Variants in COL6A2 observed in about 807,000 individuals in gnomAD.
COL6A2 encodes the protein collagen alpha-2(VI) chain.
COL6A2 carries 90 observed loss-of-function variants against 124.9 expected under a neutral mutation model. The ratio of observed to expected loss-of-function variants is 0.72; its 90% CI spans 0.61 to 0.86. The LOEUF is 0.86. COL6A2 is among the 40% of genes least tolerant of loss of function. The pLI is 0.00. For synonymous variants in COL6A2, 793 were observed against 618.2 expected (o/e 1.28, Z -4.19); for missense variants, 1,607 against 1,502.5 (o/e 1.07, Z -1.15).
chr21:46,120,959 G>C (rs978387327), intron 16 of COL6A2, 102 bp from the exon 17 acceptor site: 4 of 1,153,888 alleles, frequency 3.5e-6, no homozygotes, highest in Admixed American at 1.7e-5. Flanking sequence ...GGCCAGACCC[G>C]TCTTACCCCC....
intron 12 of COL6A2, 104 bp from the exon 13 acceptor site, chr21:46,118,510 G>A: frequency 6.6e-6 from 7 of 1,063,824 alleles, no homozygotes; most frequent in South Asian, 1.3e-5. Flanking sequence ...ACATCAGGGA[G>A]GTGCAGTCCC....
Position 46,129,405 on chromosome 21 carries a change from G to A in COL6A2, c.2462-2549G>A, listed in dbSNP as rs771115627. ...GTTCGCCACCGGGGTAGAGCGGCAG[G>A]ACTGGATGGAGCTGTTCATTGACAC... On this transcript the variant is annotated intron_variant, in intron 27 of 27. Transcript: ENST00000300527. 4.2e-5 allele frequency: 67 copies of A among 1,612,814 alleles called. 1 individual carries two copies. The South Asian group carries it at 6.0e-4, about 15-fold the overall frequency.
intron 27 of COL6A2, chr21:46,129,743 G>A (rs889552507): frequency 2.0e-5 from 27 of 1,362,082 alleles, no homozygotes; most frequent in South Asian, 3.9e-5. Context: ...AAGAACCCTG[G>A]TCATTGAATT....
At chr21:46,100,277 A>T (rs547531666) in intron 1 of COL6A2, among the ~76,000 whole-genome samples, 1 of 151,956 alleles carries the variant, frequency 6.6e-6, no homozygotes, top group South Asian at 2.1e-4. Flanking sequence ...CTTTTAAGAG[A>T]CGGGGTCTCA....
chr21:46,124,308 A>AATGGGTGG (rs1326200046), intron 21 of COL6A2, among the ~76,000 whole-genome samples: 2 of 149,086 alleles, frequency 1.3e-5, no homozygotes, highest in South Asian at 2.1e-4. Context: ...CGAATGGGCG[A>AATGGGTGG]ATGGGTGGAT....
intron 27 of COL6A2, among the ~76,000 whole-genome samples, 182 bp downstream of exon 27, chr21:46,126,723 G>A (rs1761380728): frequency 6.6e-6 from 1 of 152,172 alleles, no homozygotes; most frequent in African/African-American, 2.4e-5. Context: ...AGGGGCTTGG[G>A]GAAGGCAGGC....
Position 46,111,494 on chromosome 21 carries a change from C to T in COL6A2, c.18C>T (p.Cys6=). ...CTGCCAAGATGCTCCAGGGCACCTG[C>T]TCCGTGCTCCTGCTCTGGGGAATCC... The part of the protein sequence containing the change: MLQGT[C]SVLLLWGILG... Residue 6 remains cysteine, a synonymous_variant, in exon 2 of 28, where the codon TGC becomes TGT. Transcript: ENST00000300527. The T allele has an allele frequency of 6.2e-7, 1 of 1,612,540 alleles. No homozygotes were observed. Among genetic ancestry groups the T allele is most frequent in the Non-Finnish European group, 8.5e-7 (1 of 1,179,608 alleles).
At chr21:46,105,041 G>A (rs866924256) in intron 1 of COL6A2, among the ~76,000 whole-genome samples, 10 of 152,186 alleles carry the variant, frequency 6.6e-5, no homozygotes, top group South Asian at 4.1e-4. Flanking sequence ...AGGGAGTCCT[G>A]CGGGTTGAAA....
At chr21:46,130,192 G>A (rs2078742806) in intron 27 of COL6A2, among the ~76,000 whole-genome samples, 1 of 152,224 alleles carries the variant, frequency 6.6e-6, no homozygotes, top group Non-Finnish European at 1.5e-5. Context: ...GGCCACAGCT[G>A]CCTGCCAGCA....
At chr21:46,121,178 T>C in intron 17 of COL6A2, 55 bp downstream of exon 17, 1 of 1,533,972 alleles carries the variant, frequency 6.5e-7, no homozygotes, top group Non-Finnish European at 9.0e-7. Flanking sequence ...GGGTCTCCCC[T>C]ATCCATGTGG....
At position 46,122,529 on chromosome 21, in the gene COL6A2, G is replaced by C. The variant is rs143338050; in HGVS notation, c.1606G>C (p.Glu536Gln). The change falls in exon 20 of 28, where the codon GAG (glutamate) becomes CAG (glutamine). Residue 536 changes from glutamate (E) to glutamine (Q), a missense_variant and splice_region_variant. Coordinates refer to ENST00000300527, the MANE Select transcript of COL6A2 (RefSeq NM_001849.4). ...EKGEPGPRGP[E>Q]GGRGDFGLKG... ...AGGCGAGCCCGGCCCACGCGGCCCC[G>C]AGGTATGTGTGGGTCCTGGCCACCT... 1.9e-6 allele frequency: 3 copies of C among 1,612,648 alleles called. No homozygotes were observed. The highest frequency in any genetic ancestry group is 1.3e-5 in the African/African-American group (1 of 75,018).
At chr21:46,129,829 C>T in intron 27 of COL6A2, 2 of 1,106,918 alleles carry the variant, frequency 1.8e-6, no homozygotes, top group African/African-American at 1.6e-5. Context: ...TTCTTTGCTG[C>T]ATCAGGTCAC....
At chr21:46,126,473 G>A in intron 26 of COL6A2, 30 bp from the exon 27 acceptor site, 3 of 1,612,204 alleles carry the variant, frequency 1.9e-6, no homozygotes, top group South Asian at 2.2e-5. Flanking sequence ...ACTGACCCTG[G>A]CCTGGCCCGG....
chr21:46,111,484 A>G lies in COL6A2; in HGVS notation c.8A>G (p.Gln3Arg). ...GCCACAGGTGCTGCCAAGATGCTCCAGGGCACCTGCTCCGTGCTCCTGCTC... is the reference window on the plus strand; with the variant it reads ...GCCACAGGTGCTGCCAAGATGCTCCGGGGCACCTGCTCCGTGCTCCTGCTC... ML[Q>R]GTCSVLLLWG... The change falls in exon 2 of 28, where the codon CAG becomes CGG. Residue 3 changes from glutamine (Q) to arginine (R), a missense_variant. This residue lies in a region of COL6A2 where 342 missense variants were observed against 381.5 expected (regional missense o/e 0.90). Coordinates refer to ENST00000300527, the MANE Select transcript of COL6A2 (RefSeq NM_001849.4). 1.2e-6 allele frequency: 2 copies of G among 1,611,208 alleles called. No individual in the cohort carries two copies. Among genetic ancestry groups the G allele is most frequent in the South Asian group, 2.2e-5 (2 of 91,008 alleles).
At chr21:46,124,158 G>T (rs1299894755) in intron 21 of COL6A2, among the ~76,000 whole-genome samples, 1 of 151,004 alleles carries the variant, frequency 6.6e-6, no homozygotes, top group African/African-American at 2.4e-5. Flanking sequence ...TGGATAGATA[G>T]ATGGGTGGGT....
chr21:46,126,452 G>T (rs371401281), intron 26 of COL6A2, 51 bp from the exon 27 acceptor site: 1 of 1,606,604 alleles, frequency 6.2e-7, no homozygotes, highest in Admixed American at 1.7e-5. Flanking sequence ...GCCGCTGAGG[G>T]TTCGCTAGGG....
In COL6A2 at chr21:46,111,335, A is replaced by G. The variant is rs569375025; in HGVS notation, c.-27-115A>G. 2.5e-3 allele frequency: 1,574 copies of G among 637,986 alleles called. 6 individuals are homozygous for G. The highest frequency in any genetic ancestry group is 4.1e-3 in the Non-Finnish European group (1,444 of 352,090). The allele number at this position is 637,986 out of a possible 1,614,324, so 39.5% of individuals were successfully genotyped here. ...CTGGGCGCAGACCCCGCTTCCTTGAAGACTGAGGGCAGTGCCCCCAATCCC... is the reference window on the plus strand; with the variant it reads ...CTGGGCGCAGACCCCGCTTCCTTGAGGACTGAGGGCAGTGCCCCCAATCCC... On this transcript the variant is annotated intron_variant, in intron 1 of 27. Coordinates refer to ENST00000300527, the MANE Select transcript of COL6A2 (RefSeq NM_001849.4).
At chr21:46,117,598 T>C (rs971907180) in intron 11 of COL6A2, 145 bp downstream of exon 11, 8 of 896,010 alleles carry the variant, frequency 8.9e-6, no homozygotes, top group Admixed American at 4.1e-5. Context: ...AGCCCAGCAT[T>C]CTGCCGGGTC....
Position 46,132,750 on chromosome 21 carries a change from T to G in COL6A2, c.*198T>G. On this transcript the variant is annotated 3_prime_UTR_variant, in exon 28 of 28. Coordinates refer to ENST00000300527, the MANE Select transcript of COL6A2 (RefSeq NM_001849.4). The stretch of plus-strand genomic sequence containing the variant: ...AGGTCTCCCCAGGCCCTCCGCAGGC[T>G]GCCCGGCCTCCCTCCCCCTGCAGCC... The G allele has an allele frequency of 1.6e-6, 1 of 610,314 alleles. No homozygotes were observed. The highest frequency in any genetic ancestry group is 2.8e-5 in the East Asian group (1 of 35,730). 37.8% of individuals were successfully genotyped at this position (610,314 alleles called of 1,614,324 possible). A position where few individuals can be genotyped will look rare whatever the true frequency, so the allele number is the denominator to read the frequency against.
Sources: gnomAD v4.1 joint callset for allele counts (sites outside exome capture counted in the v4.1 genomes callset) on GRCh38, gnomAD v4.1.1 for gene constraint, gnomAD v4.1.1 regional missense constraint, MANE v1.5 for transcripts, NCBI Gene and HGNC (gene_info 2026-07-23, HGNC 2026-07-21) for gene names.